AKR7A3: variants seen among roughly 807,000 people sequenced by gnomAD.
AKR7A3 encodes aldo-keto reductase family 7 member A3.
AKR7A3 carries 37 observed loss-of-function variants against 32.5 expected under a neutral mutation model. The observed-to-expected ratio is 1.14, with a 90% CI of 0.88 to 1.50. AKR7A3 has a LOEUF of 1.50. Ranked by LOEUF, AKR7A3 falls within the 40% of genes most tolerant of loss-of-function variation. The pLI is 0.00. For synonymous variants in AKR7A3, 177 were observed against 188.4 expected (o/e 0.94, Z 0.50); for missense variants, 412 against 453.2 (o/e 0.91, Z 0.83).
chr1:19,285,823 G>A, intron 3 of AKR7A3, 65 bp downstream of exon 3: 3 of 1,599,416 alleles, frequency 1.9e-6, no homozygotes, highest in Admixed American at 3.3e-5. Flanking sequence ...CAGTCAGAGG[G>A]GCAAAGACAG....
Position 19,285,889 on chromosome 1 carries a change from T to C in AKR7A3, c.506A>G (p.Gln169Arg), listed in dbSNP as rs761337112. The C allele has an allele frequency of 9.9e-6, 16 of 1,613,530 alleles. No homozygotes were observed. In the South Asian group the frequency reaches 1.6e-4, roughly 17 times the overall value. ...GGCCTCTGCAGCCCTGGCTCTCACC[T>C]GGTACACAGTGGGCAGGATCCAGCC... Reference protein sequence around the residue: ...SNGWILPTVYQGMYNAITRQV... With the variant: ...SNGWILPTVYRGMYNAITRQV... Residue 169 changes from glutamine (Q) to arginine (R), a missense_variant and splice_region_variant, in exon 3 of 7, where the codon CAG becomes CGG. Transcript: ENST00000361640.
Position 19,286,350 on chromosome 1 carries a change from AATGGCCTTGGT to A in AKR7A3, c.226_236del (p.Thr76SerfsTer10). ...GCTTCAGGGAGTTCCCAAACAGTGG[AATGGCCTTGGT>A]ATCAATTTTCACTGAGAGGAAAGAG... On this transcript the variant is annotated frameshift_variant, in exon 2 of 7. Coordinates refer to ENST00000361640, the MANE Select transcript of AKR7A3 (RefSeq NM_012067.3). LOFTEE classifies it high-confidence loss of function. The A allele has an allele frequency of 6.2e-7, 1 of 1,613,818 alleles. No homozygotes were observed. Among genetic ancestry groups the A allele is most frequent in the East Asian group, 2.2e-5 (1 of 44,890 alleles).
rs748091804 is a variant in AKR7A3 at position 19,286,377 on chromosome 1, G to C, written c.215-5C>G. On this transcript the variant is annotated splice_region_variant and splice_polypyrimidine_tract_variant and intron_variant, in intron 1 of 6. Transcript: ENST00000361640. Reference sequence around the variant, plus strand: ...TGGCCTTGGTATCAATTTTCACTGAGAGGAAAGAGAAATGAAATTCAGGGC... The same window carrying C: ...TGGCCTTGGTATCAATTTTCACTGACAGGAAAGAGAAATGAAATTCAGGGC... 4 of 1,612,842 alleles carry C rather than the reference G, an allele frequency of 2.5e-6. No homozygotes were observed. The highest frequency in any genetic ancestry group is 3.3e-5 in the Admixed American group (2 of 59,944).
Position 19,286,325 on chromosome 1 carries a change from G to C in AKR7A3, c.262C>G (p.Pro88Ala), listed in dbSNP as rs1289982061. Residue 88 changes from proline to alanine, a missense_variant, in exon 2 of 7, where the codon CCT becomes GCT. Physicochemically the swap from Pro to Ala is conservative, Grantham distance 27 (BLOSUM62 -1). Coordinates refer to ENST00000361640, the MANE Select transcript of AKR7A3 (RefSeq NM_012067.3). ...TCCAGCTGGAACCGGAGACTGTCAG[G>C]CTTCAGGGAGTTCCCAAACAGTGGA... ...AIPLFGNSLK[P>A]DSLRFQLETS... The C allele has an allele frequency of 6.2e-7, 1 of 1,613,916 alleles. No individual in the cohort carries two copies. Among genetic ancestry groups the C allele is most frequent in the Admixed American group, 1.7e-5 (1 of 60,018 alleles).
downstream of AKR7A3, among the ~76,000 whole-genome samples, chr1:19,281,589 T>C (rs549254875): frequency 7.2e-5 from 11 of 151,872 alleles, no homozygotes; most frequent in Non-Finnish European, 1.6e-4. Context: ...GAGCCGAGAT[T>C]GCACCACTGC....
In AKR7A3 at chr1:19,282,660, C is replaced by T; in HGVS notation, c.*71G>A. The T allele has an allele frequency of 6.2e-7, 1 of 1,609,918 alleles. No individual in the cohort carries two copies. Among genetic ancestry groups the T allele is most frequent in the Admixed American group, 1.7e-5 (1 of 59,386 alleles). ...TCCCTAAGAATTTACTGAGGCAGTTCTAAATTAAAGAAAATGTGAGTAACA... is the reference window on the plus strand; with the variant it reads ...TCCCTAAGAATTTACTGAGGCAGTTTTAAATTAAAGAAAATGTGAGTAACA... On this transcript the variant is annotated 3_prime_UTR_variant, in exon 7 of 7. Coordinates refer to ENST00000361640, the MANE Select transcript of AKR7A3 (RefSeq NM_012067.3).
rs572891840 is a variant in AKR7A3 at position 19,282,754 on chromosome 1, C to T, written c.973G>A (p.Glu325Lys). 1.7e-5 allele frequency: 27 copies of T among 1,613,820 alleles called. No homozygotes were observed. The highest frequency in any genetic ancestry group is 7.7e-5 in the South Asian group (7 of 91,084). The stretch of plus-strand genomic sequence containing the variant: ...GCCTAGCGGAAGTAGTTGGGACATT[C>T]GTGAGTAACCAAATGCCAGGCTTGA... ...FNQAWHLVTH[E>K]CPNYFR Residue 325 changes from glutamate (E) to lysine (K), a missense_variant, in exon 7 of 7, where the codon GAA becomes AAA. Glu to Lys is a moderately conservative substitution (Grantham distance 56, BLOSUM62 1). Coordinates refer to ENST00000361640, the MANE Select transcript of AKR7A3 (RefSeq NM_012067.3).
In AKR7A3 at chr1:19,284,795, A is replaced by G. The variant is rs762974679; in HGVS notation, c.605-10T>C. The G allele has an allele frequency of 7.4e-6, 12 of 1,613,262 alleles. No individual in the cohort carries two copies. The highest frequency in any genetic ancestry group is 2.7e-5 in the African/African-American group (2 of 74,618). Reference sequence around the variant, plus strand: ...CCGGTCAGCAGGCCCCCTGAGGGAAAGCAGCAATCAGCCCCGGGGCCTAGA... The same window carrying G: ...CCGGTCAGCAGGCCCCCTGAGGGAAGGCAGCAATCAGCCCCGGGGCCTAGA... On this transcript the variant is annotated splice_polypyrimidine_tract_variant and intron_variant, in intron 4 of 6. Transcript: ENST00000361640.
intron 6 of AKR7A3, 67 bp downstream of exon 6, chr1:19,283,929 C>T: frequency 1.2e-6 from 2 of 1,603,580 alleles, no homozygotes; most frequent in Non-Finnish European, 1.7e-6. Context: ...ATGTTTCAGC[C>T]TTCATCTAAA....
chr1:19,279,926 GAT>G (rs1491256446), downstream of AKR7A3, among the ~76,000 whole-genome samples: 1 of 146,604 alleles, frequency 6.8e-6, no homozygotes, highest in South Asian at 2.1e-4. Context: ...ATTTTCTTGT[GAT>G]TTTTTTTTTT....
At chr1:19,277,550 C>T in the AKR7A3 span, among the ~76,000 whole-genome samples, 4 of 151,248 alleles carry the variant, frequency 2.6e-5, no homozygotes, top group African/African-American at 9.8e-5. Flanking sequence ...GAGACAAAGT[C>T]TCGCTCTGTT....
At chr1:19,285,138 G>A (rs1413865825) in intron 3 of AKR7A3, 24 bp from the exon 4 acceptor site, 2 of 1,610,654 alleles carry the variant, frequency 1.2e-6, no homozygotes, top group Non-Finnish European at 8.5e-7. Flanking sequence ...GGCCCCGGGG[G>A]AGAGGGTGGA....
At chr1:19,280,865 C>T (rs570304884), downstream of AKR7A3, among the ~76,000 whole-genome samples, 50 of 151,854 alleles carry the variant, frequency 3.3e-4, 2 homozygotes, top group South Asian at 7.3e-3. Flanking sequence ...CCACCGCGCC[C>T]GGCCTAAAGA....
In AKR7A3 at chr1:19,285,811, G is replaced by A. The variant is rs1391818347; in HGVS notation, c.507+77C>T. On this transcript the variant is annotated intron_variant, in intron 3 of 6. Coordinates refer to ENST00000361640, the MANE Select transcript of AKR7A3 (RefSeq NM_012067.3). Reference sequence around the variant, plus strand: ...TGGCTGCTATGCAGAGGGCACAGGGGGCAGTCAGAGGGGCAAAGACAGCCC... The same window carrying A: ...TGGCTGCTATGCAGAGGGCACAGGGAGCAGTCAGAGGGGCAAAGACAGCCC... 6 of 1,567,986 alleles carry A rather than the reference G, an allele frequency of 3.8e-6. No homozygotes were observed. The African/African-American group carries it at 6.9e-5, about 18-fold the overall frequency.
intron 3 of AKR7A3, 144 bp from the exon 4 acceptor site, chr1:19,285,258 G>T: frequency 1.3e-6 from 1 of 788,278 alleles, no homozygotes; most frequent in South Asian, 1.8e-5. Flanking sequence ...ACTGGTGCTG[G>T]TGAAAGAAGC....
chr1:19,282,621 T>C lies in AKR7A3; in HGVS notation c.*110A>G. On this transcript the variant is annotated 3_prime_UTR_variant, in exon 7 of 7. Coordinates refer to ENST00000361640, the MANE Select transcript of AKR7A3 (RefSeq NM_012067.3). ...TGGTGACTCTTCTATTAGGTTTTTG[T>C]CCAAATACTTCCATCCCTAAGAATT... is the stretch of plus-strand genomic sequence containing the variant. The C allele has an allele frequency of 6.5e-7, 1 of 1,545,444 alleles. No homozygotes were observed. Among genetic ancestry groups the C allele is most frequent in the Non-Finnish European group, 8.8e-7 (1 of 1,137,108 alleles).
chr1:19,286,079 T>A, intron 2 of AKR7A3, 87 bp from the exon 3 acceptor site: 1 of 1,591,024 alleles, frequency 6.3e-7, no homozygotes, highest in Non-Finnish European at 8.6e-7. Context: ...GTTGGGCTGT[T>A]CCCTGCTCCA....
At chr1:19,288,213 C>A (rs1249563132) in intron 1 of AKR7A3, among the ~76,000 whole-genome samples, 1 of 152,198 alleles carries the variant, frequency 6.6e-6, no homozygotes, top group African/African-American at 2.4e-5. Flanking sequence ...CTAGCCAAGT[C>A]ATTCCAGGCA....
downstream of AKR7A3, among the ~76,000 whole-genome samples, chr1:19,281,596 C>T (rs2093718939): frequency 6.6e-6 from 1 of 151,860 alleles, no homozygotes; most frequent in South Asian, 2.1e-4. Context: ...GATTGCACCA[C>T]TGCACTCTAG....
Sources: allele counts gnomAD v4.1 joint callset (sites outside exome capture counted in the v4.1 genomes callset), GRCh38; gene constraint gnomAD v4.1.1; transcripts MANE v1.5; gene names NCBI Gene and HGNC (gene_info 2026-07-23, HGNC 2026-07-21).